COL9A1: variants seen among roughly 807,000 people sequenced by gnomAD.
COL9A1 encodes collagen alpha-1(IX) chain.
In COL9A1, 104 loss-of-function variants were observed where a neutral mutation model predicts 142.6. The observed-to-expected ratio is 0.73, with a 90% CI of 0.62 to 0.86. COL9A1 has a LOEUF of 0.86. Ranked by LOEUF, COL9A1 falls within the 40% of genes least tolerant of loss-of-function variation. The probability of loss-of-function intolerance (pLI) is 0.00; values close to 1 mark genes in which losing one functional copy is unlikely to be tolerated. For synonymous variants in COL9A1, 466 were observed against 396.0 expected (o/e 1.18, Z -2.10); for missense variants, 1,210 against 1,176.6 (o/e 1.03, Z -0.42).
rs577301262 is a variant in COL9A1 at position 70,281,453 on chromosome 6, C to T, written c.813G>A (p.Pro271=). ...PSQTTDERGP[P]GEQGPPGPPG... Reference sequence around the variant, plus strand: ...GAGGCCCGGGAGGACCCTGCTCACCCGGGGGACCTCTCTGGCAAAAATAGC... The same window carrying T: ...GAGGCCCGGGAGGACCCTGCTCACCTGGGGGACCTCTCTGGCAAAAATAGC... The change falls in exon 8 of 38, where the codon CCG becomes CCA. Residue 271 remains proline, a synonymous_variant. Coordinates refer to ENST00000357250, the MANE Select transcript of COL9A1 (RefSeq NM_001851.6). The T allele has an allele frequency of 6.8e-6, 11 of 1,612,228 alleles. No individual in the cohort carries two copies. In the South Asian group the frequency reaches 9.9e-5, roughly 15 times the overall value.
chr6:70,297,796 G>A (rs9455032), intron 4 of COL9A1, among the ~76,000 whole-genome samples: 2,448 of 151,978 alleles, frequency 0.016, 75 homozygotes, highest in African/African-American at 0.055. Flanking sequence ...AACATAACAC[G>A]TTTGTTAGTG....
chr6:70,263,575 G>A (rs948665430), intron 18 of COL9A1, among the ~76,000 whole-genome samples: 3 of 151,808 alleles, frequency 2.0e-5, no homozygotes, highest in African/African-American at 7.3e-5. Flanking sequence ...TTCTAAAGTG[G>A]GGGAAAGAGG....
chr6:70,237,731 C>T (rs1036643546), intron 33 of COL9A1, among the ~76,000 whole-genome samples: 5 of 152,190 alleles, frequency 3.3e-5, no homozygotes, highest in African/African-American at 7.2e-5. Context: ...TCAACCATTT[C>T]TGTTAAAAAT....
intron 18 of COL9A1, 101 bp from the exon 19 acceptor site, chr6:70,263,398 G>A: frequency 2.2e-6 from 2 of 904,376 alleles, no homozygotes; most frequent in Non-Finnish European, 1.7e-6. Flanking sequence ...AAGTTAACTT[G>A]GTGACTCCTG....
intron 20 of COL9A1, among the ~76,000 whole-genome samples, chr6:70,259,953 G>A (rs1243110841): frequency 1.3e-5 from 2 of 151,976 alleles, no homozygotes; most frequent in Non-Finnish European, 2.9e-5. Context: ...TGGGTCACTG[G>A]AGGCTCCAGT....
chr6:70,252,315 C>T lies in COL9A1; in HGVS notation c.1765G>A (p.Gly589Ser), dbSNP rs778685148. The stretch of plus-strand genomic sequence containing the variant: ...GGCTTCCCTGGAGCACCTGTGCTAC[C>T]CTAAGGGTAAAATGCAACATCCAAA... ...PGAKGVAGEK[G>S]STGAPGKPGQ... is the part of the protein sequence containing the mutation. Residue 589 changes from glycine (G) to serine (S), a missense_variant and splice_region_variant, in exon 27 of 38, where the codon GGT becomes AGT. Gly to Ser is a moderately conservative substitution (Grantham distance 56, BLOSUM62 0). Transcript: ENST00000357250. 3.7e-6 allele frequency: 6 copies of T among 1,613,948 alleles called. No individual in the cohort carries two copies. Among genetic ancestry groups the T allele is most frequent in the Non-Finnish European group, 5.1e-6 (6 of 1,179,844 alleles).
intron 28 of COL9A1, among the ~76,000 whole-genome samples, chr6:70,250,444 C>T (rs1770870321): frequency 6.6e-6 from 1 of 152,092 alleles, no homozygotes; most frequent in South Asian, 2.1e-4. Context: ...ATTAGAAATT[C>T]ACAAGCTTCA....
At position 70,254,405 on chromosome 6, in the gene COL9A1, T is replaced by C. The variant is rs768560890; in HGVS notation, c.1719+71A>G. ...AGAACTTATCAGATTAGGTAGCATG[T>C]CTCTCCCCAAAATGTATATCTTTAA... On this transcript the variant is annotated intron_variant, in intron 25 of 37. Transcript: ENST00000357250. 1.1e-4 allele frequency: 155 copies of C among 1,400,338 alleles called. 1 individual carries two copies. Among genetic ancestry groups the C allele is most frequent in the Non-Finnish European group, 1.5e-4 (148 of 987,688 alleles). 86.7% of individuals were successfully genotyped at this position (1,400,338 alleles called of 1,614,324 possible).
intron 36 of COL9A1, among the ~76,000 whole-genome samples, chr6:70,232,278 G>T (rs1023000681): frequency 6.6e-6 from 1 of 152,108 alleles, no homozygotes; most frequent in East Asian, 1.9e-4. Flanking sequence ...CTGAATGATC[G>T]TTTACCAGAT....
intron 10 of COL9A1, chr6:70,279,438 T>C (rs1017726148): frequency 6.6e-6 from 1 of 152,108 alleles, no homozygotes; most frequent in African/African-American, 2.4e-5. Context: ...TAAACCAAGA[T>C]CTATTTCCTA....
intron 37 of COL9A1, among the ~76,000 whole-genome samples, chr6:70,220,048 G>A (rs979949591): frequency 1.3e-5 from 2 of 152,026 alleles, no homozygotes; most frequent in Admixed American, 6.5e-5. Flanking sequence ...AAGCCATCCT[G>A]TCTACCCTTG....
chr6:70,294,555 T>G lies in COL9A1; in HGVS notation c.308A>C (p.Tyr103Ser). 1 of 1,613,958 alleles carries G rather than the reference T, an allele frequency of 6.2e-7. No individual in the cohort carries two copies. Among genetic ancestry groups the G allele is most frequent in the Non-Finnish European group, 8.5e-7 (1 of 1,179,886 alleles). ...GTATTCTTCAGGCAGTCCACTGGGA[T>G]ATAAATTCCTGAGTAAAATTTTTAA... ...VDFRIPTRNL[Y>S]PSGLPEEYSF... Residue 103 changes from tyrosine to serine, a missense_variant, in exon 5 of 38, where the codon TAT (tyrosine) becomes TCT (serine). By Grantham distance (144) the Tyr-to-Ser change is moderately radical. Transcript: ENST00000357250.
intron 4 of COL9A1, among the ~76,000 whole-genome samples, chr6:70,296,328 T>C (rs1238626188): frequency 2.0e-5 from 3 of 152,180 alleles, no homozygotes; most frequent in Non-Finnish European, 2.9e-5. Context: ...TTTTTTTCAC[T>C]GGTGACATGT....
chr6:70,269,723 C>A, intron 15 of COL9A1, 58 bp from the exon 16 acceptor site: 4 of 1,082,082 alleles, frequency 3.7e-6, no homozygotes, highest in Non-Finnish European at 5.7e-6. Flanking sequence ...TTCAAACATA[C>A]TAATACTAGA....
intron 4 of COL9A1, among the ~76,000 whole-genome samples, chr6:70,298,151 C>G (rs903054392): frequency 1.4e-4 from 22 of 152,202 alleles, no homozygotes; most frequent in African/African-American, 5.3e-4. Context: ...AGAAAGGATC[C>G]TCTAAGGAGA....
intron 15 of COL9A1, among the ~76,000 whole-genome samples, 154 bp downstream of exon 15, chr6:70,270,160 A>C (rs1772301190): frequency 6.6e-6 from 1 of 152,266 alleles, no homozygotes; most frequent in African/African-American, 2.4e-5. Context: ...TGCCCTAAAC[A>C]GAACCATGCC....
In COL9A1 at chr6:70,301,959, G is replaced by C. The variant is rs1311454651; in HGVS notation, c.88+42C>G. On this transcript the variant is annotated intron_variant, in intron 2 of 37. Transcript: ENST00000357250. Reference sequence around the variant, plus strand: ...CCACAGCCCTGCCTGATCATTTCTGGGAATAAGTGATCTTTGAAAGTCTAG... The same window carrying C: ...CCACAGCCCTGCCTGATCATTTCTGCGAATAAGTGATCTTTGAAAGTCTAG... The C allele has an allele frequency of 2.0e-6, 3 of 1,494,576 alleles. No homozygotes were observed. The South Asian group carries it at 3.5e-5, about 18-fold the overall frequency. The allele number at this position is 1,494,576 out of a possible 1,614,324, so 92.6% of individuals were successfully genotyped here.
At chr6:70,243,344 A>C (rs1770386257) in intron 28 of COL9A1, among the ~76,000 whole-genome samples, 1 of 152,202 alleles carries the variant, frequency 6.6e-6, no homozygotes, top group South Asian at 2.1e-4. Context: ...ACGAAGATAC[A>C]CCAAAAATAA....
At chr6:70,234,299 C>CAAAAAAAAAA (rs1376237848) in intron 35 of COL9A1, among the ~76,000 whole-genome samples, 28 of 132,100 alleles carry the variant, frequency 2.1e-4, no homozygotes, top group Middle Eastern at 3.8e-3. Context: ...AAAAACAAAA[C>CAAAAAAAAAA]AAAACAAAAA....
Sources: allele counts gnomAD v4.1 joint callset (sites outside exome capture counted in the v4.1 genomes callset), GRCh38; gene constraint gnomAD v4.1.1; transcripts MANE v1.5; gene names NCBI Gene and HGNC (gene_info 2026-07-23, HGNC 2026-07-21).